The following PGPEP1L variants were observed in gnomAD, a reference collection of about 807,000 sequenced individuals.
PGPEP1L encodes the protein pyroglutamyl-peptidase I like.
In PGPEP1L, 7 loss-of-function variants were observed where a neutral mutation model predicts 6.0. That is an observed-to-expected ratio of 1.17 (90% CI 0.66 to 2.19). PGPEP1L has a LOEUF of 2.19. Ranked by LOEUF, PGPEP1L falls within the 30% of genes most tolerant of loss-of-function variation. PGPEP1L has a pLI of 0.00. For missense variants in PGPEP1L, 209 were observed against 192.5 expected, an observed-to-expected ratio of 1.09 and a Z score of -0.51; for synonymous variants, 103 against 83.9, an observed-to-expected ratio of 1.23 and a Z score of -1.24.
At chr15:98,997,569 T>C (rs973311784) in intron 2 of PGPEP1L, among the ~76,000 whole-genome samples, 17 of 152,192 alleles carry the variant, frequency 1.1e-4, no homozygotes, top group Non-Finnish European at 5.9e-5. Flanking sequence ...TTGTGCTTTC[T>C]CCTAGTTGGC....
intron 2 of PGPEP1L, among the ~76,000 whole-genome samples, chr15:98,977,643 A>T (rs975023363): frequency 1.3e-5 from 2 of 152,076 alleles, no homozygotes; most frequent in African/African-American, 2.4e-5. Flanking sequence ...CACATATGAG[A>T]GTGTGTTCCA....
chr15:98,969,727 C>T (rs1302354251), intron 3 of PGPEP1L, 76 bp from the exon 4 acceptor site: 2 of 1,475,018 alleles, frequency 1.4e-6, no homozygotes, highest in Admixed American at 1.7e-5. Flanking sequence ...CAGAAGGGGC[C>T]ACTCCTTTTG....
chr15:98,972,316 G>C (rs575780818), intron 2 of PGPEP1L, among the ~76,000 whole-genome samples: 2 of 151,754 alleles, frequency 1.3e-5, no homozygotes, highest in African/African-American at 4.8e-5. Context: ...TCGTGCCATC[G>C]CACTCCAGCC....
At chr15:98,986,374 G>T (rs781936479) in intron 2 of PGPEP1L, among the ~76,000 whole-genome samples, 5 of 152,180 alleles carry the variant, frequency 3.3e-5, no homozygotes, top group Admixed American at 6.5e-5. Flanking sequence ...TATGACCATT[G>T]ATGTAATCAG....
At chr15:98,990,877 G>A (rs1045434777) in intron 2 of PGPEP1L, among the ~76,000 whole-genome samples, 7 of 152,126 alleles carry the variant, frequency 4.6e-5, no homozygotes, top group African/African-American at 4.8e-5. Flanking sequence ...GGTAAATAAC[G>A]AAATTGAAGC....
chr15:98,988,374 G>T (rs530587072), intron 2 of PGPEP1L, among the ~76,000 whole-genome samples: 2 of 152,284 alleles, frequency 1.3e-5, no homozygotes, highest in East Asian at 3.9e-4. Context: ...AAAGCCACCG[G>T]GAAGTTCAAA....
At chr15:98,988,004 T>TCC (rs1401683757) in intron 2 of PGPEP1L, among the ~76,000 whole-genome samples, 1 of 152,206 alleles carries the variant, frequency 6.6e-6, no homozygotes, top group Non-Finnish European at 1.5e-5. Context: ...ACCAGGGGAT[T>TCC]CCCTCCGGTG....
At chr15:98,986,778 G>A (rs2017752900) in intron 2 of PGPEP1L, among the ~76,000 whole-genome samples, 1 of 152,138 alleles carries the variant, frequency 6.6e-6, no homozygotes, top group African/African-American at 2.4e-5. Flanking sequence ...ATTTTATGCA[G>A]TACACCCAGT....
intron 2 of PGPEP1L, 98 bp from the exon 3 acceptor site, chr15:98,971,256 C>T (rs1406264872): frequency 2.1e-6 from 3 of 1,407,326 alleles, no homozygotes; most frequent in Non-Finnish European, 2.8e-6. Flanking sequence ...GGTCTACTTC[C>T]AGGGGTCTTC....
chr15:98,970,348 C>T (rs2017475686), intron 3 of PGPEP1L, among the ~76,000 whole-genome samples: 1 of 152,182 alleles, frequency 6.6e-6, no homozygotes, highest in Non-Finnish European at 1.5e-5. Flanking sequence ...CCGCCTCCTG[C>T]ATCTTTTTTT....
intron 1 of PGPEP1L, among the ~76,000 whole-genome samples, chr15:99,006,868 A>ATTCT (rs1567246915): frequency 1.3e-5 from 2 of 152,140 alleles, no homozygotes; most frequent in Non-Finnish European, 2.9e-5. Context: ...AAGAGGAAGA[A>ATTCT]GACCCATGAT....
chr15:98,969,454 G>A lies in PGPEP1L; in HGVS notation c.180C>T (p.Val60=), dbSNP rs777604668. The change falls in exon 4 of 5, where the codon GTC becomes GTT. Residue 60 remains valine, a synonymous_variant. Coordinates refer to ENST00000535714, the MANE Select transcript of PGPEP1L (RefSeq NM_001167902.2). ...CTGCATCTCGGGAAAAGATCACGTC[G>A]ACACCCTCCACAGCTACGCGCTTGC... The part of the protein sequence containing the change: ...AVCKRVAVEG[V]DVIFSRDAGR... 20 of 1,613,832 alleles carry A rather than the reference G, an allele frequency of 1.2e-5. No individual in the cohort carries two copies. The highest frequency in any genetic ancestry group is 1.1e-4 in the East Asian group (5 of 44,896).
At chr15:98,992,553 C>CAT (rs1346386335) in intron 2 of PGPEP1L, among the ~76,000 whole-genome samples, 1 of 152,168 alleles carries the variant, frequency 6.6e-6, no homozygotes, top group Non-Finnish European at 1.5e-5. Flanking sequence ...ATGCTATCCC[C>CAT]ATCAAGCTAC....
At position 98,970,902 on chromosome 15, in the gene PGPEP1L, G is replaced by A. The variant is rs1374445480; in HGVS notation, c.-19+134C>T. On this transcript the variant is annotated intron_variant, in intron 3 of 4. Transcript: ENST00000535714. ...CCCAGAACCTTACACAATCAGCTGG[G>A]ACCTTGCATGACTGGTGGGGCCTGG... is the stretch of plus-strand genomic sequence containing the variant. 7.7e-6 allele frequency: 10 copies of A among 1,296,282 alleles called. No homozygotes were observed. The Admixed American group carries it at 1.8e-4, about 23-fold the overall frequency. The allele number at this position is 1,296,282 out of a possible 1,614,324, so 80.3% of individuals were successfully genotyped here.
At chr15:98,992,302 A>G (rs1469644628) in intron 2 of PGPEP1L, among the ~76,000 whole-genome samples, 2 of 152,182 alleles carry the variant, frequency 1.3e-5, no homozygotes, top group Non-Finnish European at 2.9e-5. Flanking sequence ...CTATACACCA[A>G]TAACAGACAA....
chr15:98,980,487 G>T (rs750388851), intron 2 of PGPEP1L, among the ~76,000 whole-genome samples: 4 of 152,184 alleles, frequency 2.6e-5, no homozygotes, highest in Non-Finnish European at 5.9e-5. Flanking sequence ...AGTGGGTCCA[G>T]GAGGAGGACT....
At chr15:98,972,606 C>T (rs1433567185) in intron 2 of PGPEP1L, among the ~76,000 whole-genome samples, 4 of 151,874 alleles carry the variant, frequency 2.6e-5, no homozygotes, top group East Asian at 1.9e-4. Flanking sequence ...CAGTGGCTCA[C>T]GCCTGTAATC....
intron 1 of PGPEP1L, among the ~76,000 whole-genome samples, chr15:99,006,415 G>A (rs183002837): frequency 1.3e-5 from 2 of 152,262 alleles, no homozygotes; most frequent in Admixed American, 6.5e-5. Flanking sequence ...TGGCTCTGCA[G>A]ACAGTCCTCT....
chr15:98,982,381 G>C (rs1438858476), intron 2 of PGPEP1L, among the ~76,000 whole-genome samples: 1 of 151,974 alleles, frequency 6.6e-6, no homozygotes. Context: ...ATTTCGAAGT[G>C]AGAATGCAAG....
Sources: gnomAD v4.1 joint callset for allele counts (sites outside exome capture counted in the v4.1 genomes callset) on GRCh38, gnomAD v4.1.1 for gene constraint, MANE v1.5 for transcripts, NCBI Gene and HGNC (gene_info 2026-07-23, HGNC 2026-07-21) for gene names.